The following ITGAE variants were observed in gnomAD, a reference collection of about 807,000 sequenced individuals.
ITGAE encodes the protein integrin subunit alpha E.
Under a neutral mutation model 136.5 loss-of-function variants are expected in ITGAE, and 99 were observed. That is an observed-to-expected ratio of 0.73 (90% CI 0.62 to 0.86). ITGAE has a LOEUF of 0.86. Ranked by LOEUF, ITGAE falls within the 40% of genes least tolerant of loss-of-function variation. ITGAE has a pLI of 0.00. For missense variants in ITGAE, 1,447 were observed against 1,515.3 expected (o/e 0.95, Z 0.75); for synonymous variants, 613 against 591.8 (o/e 1.04, Z -0.52).
At chr17:3,731,020 C>G (rs2143010479) in intron 23 of ITGAE, 84 bp downstream of exon 23, 1 of 1,098,550 alleles carries the variant, frequency 9.1e-7, no homozygotes, top group East Asian at 2.4e-5. Flanking sequence ...TGTAAGGGGG[C>G]CGTTCCTCTC....
Position 3,716,809 on chromosome 17 carries a change from C to A in ITGAE, c.3334-11G>T. 1 of 1,420,728 alleles carries A rather than the reference C, an allele frequency of 7.0e-7. No homozygotes were observed. The highest frequency in any genetic ancestry group is 9.9e-7 in the Non-Finnish European group (1 of 1,009,906). 88.0% of individuals were successfully genotyped at this position (1,420,728 alleles called of 1,614,324 possible). Reference sequence around the variant, plus strand: ...GAAGACGACAGTGATCTAGACAAGACAAAGAGATCGCCCAATAAATCAGGT... The same window carrying A: ...GAAGACGACAGTGATCTAGACAAGAAAAAGAGATCGCCCAATAAATCAGGT... On this transcript the variant is annotated splice_polypyrimidine_tract_variant and intron_variant, in intron 29 of 30. Transcript: ENST00000263087.
chr17:3,782,953 C>G (rs1186228931), intron 1 of ITGAE, among the ~76,000 whole-genome samples: 2 of 152,284 alleles, frequency 1.3e-5, no homozygotes, highest in South Asian at 4.2e-4. Context: ...ATCTGCGTTG[C>G]ATGTCATGTT....
rs775641991 is a variant in ITGAE at position 3,723,306 on chromosome 17, G to A, written c.3219C>T (p.Ser1073=). 76 of 1,612,188 alleles carry A rather than the reference G, an allele frequency of 4.7e-5. No homozygotes were observed. Among genetic ancestry groups the A allele is most frequent in the Middle Eastern group, 1.7e-4 (1 of 6,056 alleles). ...KENVTVAAEI[S]WDHSEELLKD... is the part of the protein sequence containing the mutation. ...CAAACACCTCCTCAGAGTGATCCCA[G>A]GAGATCTCTGCAGCCACGGTGACAT... Residue 1073 remains serine, a synonymous_variant, in exon 28 of 31, where the codon TCC becomes TCT. Coordinates refer to ENST00000263087, the MANE Select transcript of ITGAE (RefSeq NM_002208.5).
chr17:3,789,328 G>A (rs889739159), intron 1 of ITGAE, among the ~76,000 whole-genome samples: 8 of 149,034 alleles, frequency 5.4e-5, no homozygotes, highest in Admixed American at 5.3e-4. Flanking sequence ...CTGACTGTTA[G>A]GAAAAGTATT....
rs148509435 is a variant in ITGAE, at chr17:3,750,402, G to A, written c.1974C>T (p.Asp658=). Residue 658 remains aspartate, a synonymous_variant, in exon 16 of 31, where the codon GAC becomes GAT. Transcript: ENST00000263087. Reference sequence around the variant, plus strand: ...TGCCCACGGTGATGTCGGCAAGGCCGTCGCCACTAATATCAAAGCCACCAG... The same window carrying A: ...TGCCCACGGTGATGTCGGCAAGGCCATCGCCACTAATATCAAAGCCACCAG... The part of the protein sequence containing the change: ...SMAGGFDISG[D]GLADITVGTL... 5.5e-4 allele frequency: 880 copies of A among 1,614,180 alleles called. 17 individuals are homozygous for A. The East Asian group carries it at 0.019, about 35-fold the overall frequency.
intron 15 of ITGAE, 146 bp from the exon 16 acceptor site, chr17:3,750,628 G>A: frequency 1.1e-6 from 1 of 942,188 alleles, no homozygotes; most frequent in Non-Finnish European, 1.5e-6. Context: ...GAGGGAGCAA[G>A]CTTTCCCAGA....
At chr17:3,768,686 C>T (rs2052353926) in intron 2 of ITGAE, among the ~76,000 whole-genome samples, 1 of 152,232 alleles carries the variant, frequency 6.6e-6, no homozygotes, top group Admixed American at 6.5e-5. Flanking sequence ...CTCTACCCAG[C>T]CGTGCCTCAC....
At chr17:3,739,951 C>T in intron 19 of ITGAE, 73 bp from the exon 20 acceptor site, 1 of 1,272,534 alleles carries the variant, frequency 7.9e-7, no homozygotes, top group Non-Finnish European at 1.1e-6. Context: ...GGCTCTTCTC[C>T]TTATAGGAAG....
intron 28 of ITGAE, chr17:3,720,670 C>T (rs2051031996): frequency 7.6e-6 from 2 of 264,612 alleles, no homozygotes; most frequent in South Asian, 9.0e-5. Context: ...CAACCTCCAC[C>T]CCGTCAGGTT....
chr17:3,734,737 AG>A (rs1291689099), intron 21 of ITGAE, 79 bp downstream of exon 21: 11 of 1,559,828 alleles, frequency 7.1e-6, no homozygotes, highest in African/African-American at 2.7e-5. Flanking sequence ...GGTGCCAGTG[AG>A]GGGGCCACCA....
In ITGAE at chr17:3,792,912, A is replaced by G. The variant is rs543047167; in HGVS notation, c.34+8199T>C. ...CCTAAGGGTCCTTTGTGAGAACACA[A>G]TGAAGAAACCCTGCACCCCAGCTTT... On this transcript the variant is annotated intron_variant, in intron 1 of 30. Transcript: ENST00000263087. Among the ~76,000 whole-genome samples the G allele has an allele frequency of 3.9e-5, 6 of 152,322 alleles. No homozygotes were observed. In the South Asian group the frequency reaches 1.2e-3, roughly 32 times the overall value.
intron 1 of ITGAE, among the ~76,000 whole-genome samples, chr17:3,780,641 T>G (rs1018597637): frequency 5.9e-5 from 9 of 151,956 alleles, no homozygotes; most frequent in Non-Finnish European, 1.3e-4. Context: ...CCATTTTGGT[T>G]AAGCTGGTCT....
intron 19 of ITGAE, among the ~76,000 whole-genome samples, chr17:3,742,472 T>TG (rs397791216): frequency 2.0e-5 from 3 of 150,504 alleles, no homozygotes; most frequent in Non-Finnish European, 3.0e-5. Flanking sequence ...TTTTTTTTTT[T>TG]GAGACGGAGT....
intron 18 of ITGAE, among the ~76,000 whole-genome samples, chr17:3,745,542 G>A (rs939425672): frequency 1.1e-4 from 17 of 152,068 alleles, no homozygotes; most frequent in Admixed American, 7.9e-4. Flanking sequence ...GGGTTTCACC[G>A]TGTTGGCCCG....
At chr17:3,752,775 C>T (rs993577924) in intron 14 of ITGAE, among the ~76,000 whole-genome samples, 4 of 149,624 alleles carry the variant, frequency 2.7e-5, no homozygotes, top group African/African-American at 7.4e-5. Flanking sequence ...AAATGCTGGG[C>T]GAGGTGGCTT....
chr17:3,723,865 C>T, intron 26 of ITGAE, 121 bp from the exon 27 acceptor site: 1 of 1,515,936 alleles, frequency 6.6e-7, no homozygotes, highest in South Asian at 1.3e-5. Flanking sequence ...GACCCCGCGG[C>T]AGGCGGGCGC....
At chr17:3,762,336 T>G (rs1026102041) in intron 3 of ITGAE, among the ~76,000 whole-genome samples, 5 of 152,084 alleles carry the variant, frequency 3.3e-5, no homozygotes, top group Non-Finnish European at 5.9e-5. Flanking sequence ...CACTGCCTGG[T>G]GGGTATGTAA....
chr17:3,723,507 CA>C, intron 27 of ITGAE, 124 bp from the exon 28 acceptor site: 1 of 977,292 alleles, frequency 1.0e-6, no homozygotes, highest in Non-Finnish European at 1.6e-6. Context: ...TTTCAGCGCT[CA>C]CCTCGGCCCA....
At chr17:3,783,005 T>C (rs1265071051) in intron 1 of ITGAE, among the ~76,000 whole-genome samples, 2 of 152,210 alleles carry the variant, frequency 1.3e-5, no homozygotes, top group Non-Finnish European at 2.9e-5. Context: ...TGTATGTCGA[T>C]TGAGATGGCT....
Sources: gnomAD v4.1 joint callset for allele counts (sites outside exome capture counted in the v4.1 genomes callset) on GRCh38, gnomAD v4.1.1 for gene constraint, MANE v1.5 for transcripts, NCBI Gene and HGNC (gene_info 2026-07-23, HGNC 2026-07-21) for gene names.